Variants in ABCA4 observed in about 807,000 individuals in gnomAD.
The protein encoded by ABCA4 is retinal-specific phospholipid-transporting ATPase ABCA4.
A neutral mutation model predicts 263.7 loss-of-function variants in ABCA4; 196 were observed. The ratio of observed to expected loss-of-function variants is 0.74; its 90% CI spans 0.66 to 0.84. The LOEUF (loss-of-function observed/expected upper bound fraction) is 0.84. ABCA4 is among the 40% of genes least tolerant of loss of function. ABCA4 has a pLI of 0.00. For synonymous variants in ABCA4, 1,133 were observed against 1,094.2 expected (o/e 1.04, Z -0.70); for missense variants, 2,792 against 2,855.1 (o/e 0.98, Z 0.50).
intron 24 of ABCA4, among the ~76,000 whole-genome samples, chr1:94,039,629 A>G (rs1453065344): frequency 2.6e-5 from 4 of 152,164 alleles, no homozygotes; most frequent in African/African-American, 9.7e-5. Flanking sequence ...CTTGCCATCC[A>G]CATGTGCAAT....
chr1:94,000,035 T>C (rs1659131117), intron 47 of ABCA4, among the ~76,000 whole-genome samples: 1 of 152,242 alleles, frequency 6.6e-6, no homozygotes, highest in African/African-American at 2.4e-5. Flanking sequence ...TATGAAAGGA[T>C]GACATCTTCT....
chr1:94,014,193 GA>G (rs1659652920), intron 38 of ABCA4, among the ~76,000 whole-genome samples: 3 of 119,078 alleles, frequency 2.5e-5, no homozygotes, highest in East Asian at 2.8e-4. Flanking sequence ...AAAGAAGGAA[GA>G]AAGAAGGAAG....
At chr1:94,107,038 C>A (rs554071340) in intron 4 of ABCA4, among the ~76,000 whole-genome samples, 1 of 152,160 alleles carries the variant, frequency 6.6e-6, no homozygotes, top group Non-Finnish European at 1.5e-5. Flanking sequence ...AGGAGCTGCA[C>A]GCATGCACGG....
At chr1:94,064,222 A>G (rs1169026151) in intron 11 of ABCA4, among the ~76,000 whole-genome samples, 2 of 152,246 alleles carry the variant, frequency 1.3e-5, no homozygotes, top group African/African-American at 2.4e-5. Context: ...GACTCTAGGA[A>G]TACAAGAAGG....
rs2100988243 is a variant in ABCA4, at chr1:93,998,036, A to T, written c.6554T>A (p.Val2185Glu). Residue 2185 changes from valine (V) to glutamate (E), a missense_variant, in exon 48 of 50, where the codon GTG (valine) becomes GAG (glutamate). Physicochemically the swap from Val to Glu is moderately radical, Grantham distance 121. Transcript: ENST00000370225. ...GAAGTTCCCCTGGAAGAACTGCTCCACAGGGTTCAGGTCAGGAAGCAGGTC... is the reference window on the plus strand; with the variant it reads ...GAAGTTCCCCTGGAAGAACTGCTCCTCAGGGTTCAGGTCAGGAAGCAGGTC... ...KDDLLPDLNPVEQFFQGNFPG... is the reference protein window; with the variant it reads ...KDDLLPDLNPEEQFFQGNFPG... The T allele has an allele frequency of 6.2e-7, 1 of 1,614,198 alleles. No individual in the cohort carries two copies. Among genetic ancestry groups the T allele is most frequent in the South Asian group, 1.1e-5 (1 of 91,086 alleles).
At position 94,063,299 on chromosome 1, in the gene ABCA4, A is replaced by G. The variant is rs1390212030; in HGVS notation, c.1573T>C (p.Phe525Leu). 6.2e-7 allele frequency: 1 copy of G among 1,614,116 alleles called. No individual in the cohort carries two copies. Among genetic ancestry groups the G allele is most frequent in the East Asian group, 2.2e-5 (1 of 44,872 alleles). The change falls in exon 12 of 50, where the codon TTT becomes CTT. Residue 525 changes from phenylalanine to leucine, a missense_variant. Physicochemically the swap from Phe to Leu is conservative, Grantham distance 22. Coordinates refer to ENST00000370225, the MANE Select transcript of ABCA4 (RefSeq NM_000350.3). ...TGAGTTTCATCATTGTAGCTTTCAA[A>G]CTTATCCAGGACCAAGCACTGCAGA... is the stretch of plus-strand genomic sequence containing the variant. ...QYLECLVLDK[F>L]ESYNDETQLT...
chr1:94,022,051 T>C (rs1445111895), intron 32 of ABCA4, 100 bp from the exon 33 acceptor site: 4 of 988,700 alleles, frequency 4.0e-6, no homozygotes, highest in Middle Eastern at 2.0e-4. Context: ...TTCGGGGGAA[T>C]TGCCTGGACC....
chr1:94,037,572 C>T (rs536935549), intron 24 of ABCA4, among the ~76,000 whole-genome samples: 1 of 152,108 alleles, frequency 6.6e-6, no homozygotes, highest in South Asian at 2.1e-4. Flanking sequence ...AAGCAAAGTC[C>T]TCCCGACTAG....
intron 24 of ABCA4, 40 bp from the exon 25 acceptor site, chr1:94,037,390 A>G: frequency 6.3e-7 from 1 of 1,584,610 alleles, no homozygotes; most frequent in East Asian, 2.2e-5. Flanking sequence ...TCTGTTTTCC[A>G]GAAACTGGAA....
Position 94,021,890 on chromosome 1 carries a change from C to T in ABCA4, c.4729G>A (p.Val1577Ile). The T allele has an allele frequency of 6.2e-7, 1 of 1,614,196 alleles. No individual in the cohort carries two copies. The highest frequency in any genetic ancestry group is 8.5e-7 in the Non-Finnish European group (1 of 1,180,034). ...PVVPITGEAL[V>I]GFLSDLGRIM... ...CGGCCAAGGTCGCTTAAAAACCCAA[C>T]AAGTGCTTCCCCCGTGATGGGGACG... The change falls in exon 33 of 50, where the codon GTT (valine) becomes ATT (isoleucine). Residue 1577 changes from valine (V) to isoleucine (I), a missense_variant. Val to Ile is a conservative substitution (Grantham distance 29). Transcript: ENST00000370225.
chr1:94,112,900 C>G, intron 2 of ABCA4, 73 bp downstream of exon 2: 1 of 1,164,038 alleles, frequency 8.6e-7, no homozygotes, highest in East Asian at 2.3e-5. Flanking sequence ...ACTCCCACCC[C>G]AAGATCTTTC....
rs145550389 is a variant in ABCA4, at chr1:94,102,024, G to C, written c.570+991C>G. On this transcript the variant is annotated intron_variant, in intron 5 of 49. Transcript: ENST00000370225. ...AAGAAACACTGGATTAGGATTGAGA[G>C]GACCTGGATTCCATCTGGCTCTGAC... is the stretch of plus-strand genomic sequence containing the variant. 2.2e-4 allele frequency among the ~76,000 whole-genome samples: 33 copies of C among 152,302 alleles called. 1 individual carries two copies. In the East Asian group the frequency reaches 6.4e-3, roughly 29 times the overall value.
chr1:94,058,350 A>G (rs563363660), intron 14 of ABCA4, among the ~76,000 whole-genome samples: 1 of 152,246 alleles, frequency 6.6e-6, no homozygotes, highest in South Asian at 2.1e-4. Flanking sequence ...GAAGAATGAA[A>G]TCAATTTCTT....
intron 14 of ABCA4, 62 bp from the exon 15 acceptor site, chr1:94,056,884 C>T (rs1660998934): frequency 2.2e-6 from 3 of 1,340,322 alleles, no homozygotes; most frequent in East Asian, 5.0e-5. Context: ...TCTCATTCTG[C>T]CCTAAAGGGC....
chr1:94,007,050 C>G (rs184388500), intron 43 of ABCA4, among the ~76,000 whole-genome samples: 1 of 152,336 alleles, frequency 6.6e-6, no homozygotes, highest in African/African-American at 2.4e-5. Context: ...AGTTTTCCCT[C>G]TATGCTCCTT....
chr1:94,035,417 C>T lies in ABCA4; in HGVS notation c.3862+1323G>A, dbSNP rs11803885. ...CTGCCCCACACCCACTGTGCCAGGA[C>T]GACTACATCTTTTGGTCACCATGCG... On this transcript the variant is annotated intron_variant, in intron 26 of 49. Coordinates refer to ENST00000370225, the MANE Select transcript of ABCA4 (RefSeq NM_000350.3). 7.2e-4 allele frequency among the ~76,000 whole-genome samples: 109 copies of T among 152,188 alleles called. 3 individuals carry two copies. In the East Asian group the frequency reaches 0.019, roughly 26 times the overall value.
chr1:94,080,577 C>G lies in ABCA4; in HGVS notation c.1000G>C (p.Val334Leu), dbSNP rs1208713389. 6 of 1,614,140 alleles carry G rather than the reference C, an allele frequency of 3.7e-6. No homozygotes were observed. Among genetic ancestry groups the G allele is most frequent in the Non-Finnish European group, 5.1e-6 (6 of 1,180,034 alleles). The change falls in exon 8 of 50, where the codon GTG becomes CTG. Residue 334 changes from valine (V) to leucine (L), a missense_variant. Val to Leu is a conservative substitution (Grantham distance 32, BLOSUM62 1). Coordinates refer to ENST00000370225, the MANE Select transcript of ABCA4 (RefSeq NM_000350.3). ...TCTTCATACCAGTTGAAGGAGAGCA[C>G]CCGAGAGCCACCTCCCTCGGGGTAG... is the stretch of plus-strand genomic sequence containing the variant. ...CGYPEGGGSRVLSFNWYEDNN... is the reference protein window; with the variant it reads ...CGYPEGGGSRLLSFNWYEDNN...
intron 6 of ABCA4, among the ~76,000 whole-genome samples, chr1:94,092,501 G>A (rs1035239728): frequency 6.6e-6 from 1 of 152,228 alleles, no homozygotes; most frequent in Non-Finnish European, 1.5e-5. Context: ...GACACCCTGA[G>A]TGCTAGGAAA....
At chr1:94,060,837 T>G in intron 13 of ABCA4, 78 bp from the exon 14 acceptor site, 1 of 1,231,590 alleles carries the variant, frequency 8.1e-7, no homozygotes, top group Non-Finnish European at 1.2e-6. Flanking sequence ...GTTGAATGAA[T>G]GTGTTGAGAA....
Sources: gnomAD v4.1 joint callset for allele counts (sites outside exome capture counted in the v4.1 genomes callset) on GRCh38, gnomAD v4.1.1 for gene constraint, MANE v1.5 for transcripts, NCBI Gene and HGNC (gene_info 2026-07-23, HGNC 2026-07-21) for gene names.